The following NSRP1 variants were observed in gnomAD, a reference collection of about 807,000 sequenced individuals.
The protein encoded by NSRP1 is nuclear speckle splicing regulatory protein 1.
Under a neutral mutation model 54.7 loss-of-function variants are expected in NSRP1, and 24 were observed. The ratio of observed to expected loss-of-function variants is 0.44; its 90% CI spans 0.32 to 0.62. The LOEUF (loss-of-function observed/expected upper bound fraction) is 0.62, where lower values mean the gene tolerates loss of function less well. Ranked by LOEUF, NSRP1 falls within the 20% of genes least tolerant of loss-of-function variation. NSRP1 has a pLI of 0.06. For missense variants in NSRP1, 596 were observed against 651.2 expected (o/e 0.92, Z 0.92); for synonymous variants, 210 against 213.8 (o/e 0.98, Z 0.15).
At chr17:30,173,307 A>G (rs1180461529) in intron 3 of NSRP1, among the ~76,000 whole-genome samples, 2 of 152,208 alleles carry the variant, frequency 1.3e-5, no homozygotes, top group Non-Finnish European at 2.9e-5. Context: ...TGCTTTTTAC[A>G]TACATTTATC....
rs557698934 is a variant in NSRP1 at position 30,127,890 on chromosome 17, A to G, written c.114+9717A>G. ...GCTCTTTCACCCAGGATGGAGTGCA[A>G]TTTGTGCAGTCACAACTCATGGCAG... On this transcript the variant is annotated intron_variant, in intron 2 of 6. Coordinates refer to ENST00000247026, the MANE Select transcript of NSRP1 (RefSeq NM_032141.4). 5.7e-3 allele frequency: 2,269 copies of G among 397,796 alleles called. 11 individuals carry two copies. The highest frequency in any genetic ancestry group is 8.6e-3 in the Non-Finnish European group (1,944 of 225,748). 24.6% of individuals were successfully genotyped at this position (397,796 alleles called of 1,614,324 possible).
In NSRP1 at chr17:30,185,448, G is replaced by C. The variant is rs1415694563; in HGVS notation, c.1451G>C (p.Arg484Thr). 2.5e-6 allele frequency: 4 copies of C among 1,608,360 alleles called. No individual in the cohort carries two copies. Among genetic ancestry groups the C allele is most frequent in the Non-Finnish European group, 3.4e-6 (4 of 1,178,654 alleles). ...KMRNMAKDKE[R>T]NQEKPSNSES... The stretch of plus-strand genomic sequence containing the variant: ...AGAAACATGGCAAAGGACAAAGAAA[G>C]AAACCAAGAGAAACCCTCTAATTCT... Residue 484 changes from arginine (R) to threonine (T), a missense_variant, in exon 7 of 7, where the codon AGA (arginine) becomes ACA (threonine). Transcript: ENST00000247026.
chr17:30,175,895 C>T (rs1415174695), intron 3 of NSRP1, among the ~76,000 whole-genome samples: 1 of 151,874 alleles, frequency 6.6e-6, no homozygotes, highest in African/African-American at 2.4e-5. Context: ...CCCAGCTACT[C>T]AGGAGGCTGA....
At chr17:30,134,331 G>A (rs576224438) in intron 2 of NSRP1, among the ~76,000 whole-genome samples, 6 of 152,294 alleles carry the variant, frequency 3.9e-5, no homozygotes, top group Non-Finnish European at 5.9e-5. Context: ...AATATTGTGA[G>A]AATTACCAAA....
At chr17:30,128,154 GTA>G in intron 2 of NSRP1, 1 of 226,654 alleles carries the variant, frequency 4.4e-6, no homozygotes, top group East Asian at 8.8e-5. Context: ...CTTAGTATGT[GTA>G]TATATGTATA....
intron 1 of NSRP1, chr17:30,117,359 C>T (rs2071546076): frequency 1.9e-6 from 1 of 524,352 alleles, no homozygotes; most frequent in Admixed American, 3.7e-5. Flanking sequence ...TTGGGGTATA[C>T]GTTGCCGCAA....
intron 2 of NSRP1, chr17:30,163,023 G>A (rs986704009): frequency 4.6e-5 from 7 of 152,042 alleles, no homozygotes; most frequent in African/African-American, 7.3e-5. Flanking sequence ...GGGATTACAG[G>A]CACGTGCCAC....
rs1291071003 is a variant in NSRP1, at chr17:30,179,230, A to G, written c.441A>G (p.Ala147=). ...ATAAAGAAGCATTTGTGACATCTGC[A>G]TATAAGAAAAAACTGCAAGAGAGAG... The part of the protein sequence containing the change: ...FDDKEAFVTS[A]YKKKLQERAE... The change falls in exon 5 of 7, where the codon GCA becomes GCG. Residue 147 remains alanine, a synonymous_variant. Coordinates refer to ENST00000247026, the MANE Select transcript of NSRP1 (RefSeq NM_032141.4). The G allele has an allele frequency of 2.2e-5, 35 of 1,610,382 alleles. No homozygotes were observed. Among genetic ancestry groups the G allele is most frequent in the Non-Finnish European group, 2.9e-5 (34 of 1,178,078 alleles).
chr17:30,149,182 A>T lies in NSRP1; in HGVS notation c.115-23360A>T, dbSNP rs746619453. ...ACATACAGGTTTGGTTTTCTCAAGG[A>T]TATTTTTATTGCCGTTTCTATTCTT... is the stretch of plus-strand genomic sequence containing the variant. On this transcript the variant is annotated intron_variant, in intron 2 of 6. Coordinates refer to ENST00000247026, the MANE Select transcript of NSRP1 (RefSeq NM_032141.4). Among the ~76,000 whole-genome samples, 23 of 152,130 alleles carry T rather than the reference A, an allele frequency of 1.5e-4. 1 individual carries two copies. The highest frequency in any genetic ancestry group is 2.0e-4 in the Admixed American group (3 of 15,270).
intron 2 of NSRP1, chr17:30,149,974 C>T (rs778235422): frequency 6.6e-6 from 1 of 152,264 alleles, no homozygotes; most frequent in African/African-American, 2.4e-5. Flanking sequence ...ATTCTTCCCT[C>T]TACTCTGCCC....
At position 30,116,859 on chromosome 17, in the gene NSRP1, A is replaced by C. The variant is rs767536340; in HGVS notation, c.16A>C (p.Arg6=). 3 of 1,575,470 alleles carry C rather than the reference A, an allele frequency of 1.9e-6. No homozygotes were observed. Among genetic ancestry groups the C allele is most frequent in the African/African-American group, 2.7e-5 (2 of 74,166 alleles). The part of the protein sequence containing the change: MAIPG[R]QYGLILPKKT... ...CGGGAGCAAGATGGCGATTCCGGGC[A>C]GGCAGTGAGTGATCCGGGAGTTAGG... The change falls in exon 1 of 7, where the codon AGG becomes CGG. Residue 6 remains arginine (R), a synonymous_variant. Transcript: ENST00000247026.
chr17:30,185,129 T>C lies in NSRP1; in HGVS notation c.1132T>C (p.Trp378Arg). ...CCAAAGAGAAAGAAGTGACAGAGTA[T>C]GGAAAAGGGAGAAAGATAGGGAGAA... ...RDQRERSDRV[W>R]KREKDREKYS... The change falls in exon 7 of 7, where the codon TGG becomes CGG. Residue 378 changes from tryptophan to arginine, a missense_variant. Physicochemically the swap from Trp to Arg is moderately radical, Grantham distance 101. Transcript: ENST00000247026. 6.2e-7 allele frequency: 1 copy of C among 1,607,204 alleles called. No homozygotes were observed. Among genetic ancestry groups the C allele is most frequent in the Middle Eastern group, 1.7e-4 (1 of 6,046 alleles).
chr17:30,121,350 A>T (rs995215144), intron 2 of NSRP1, among the ~76,000 whole-genome samples: 1 of 151,848 alleles, frequency 6.6e-6, no homozygotes, highest in African/African-American at 2.4e-5. Context: ...GGTTGAGGTC[A>T]TTGGGAATTA....
At chr17:30,120,216 C>G (rs912426114) in intron 2 of NSRP1, among the ~76,000 whole-genome samples, 2 of 152,010 alleles carry the variant, frequency 1.3e-5, no homozygotes, top group African/African-American at 4.8e-5. Context: ...GTTGTAGAAT[C>G]ACATTTTTCT....
chr17:30,149,855 T>A (rs990268566), intron 2 of NSRP1, among the ~76,000 whole-genome samples: 3,140 of 117,210 alleles, frequency 0.027, 109 homozygotes, highest in African/African-American at 0.098. Context: ...AAAAAAAAAA[T>A]ACCAAAAGCT....
At chr17:30,155,375 T>C (rs933399408) in intron 2 of NSRP1, among the ~76,000 whole-genome samples, 1 of 152,208 alleles carries the variant, frequency 6.6e-6, no homozygotes, top group Non-Finnish European at 1.5e-5. Context: ...GTGTGTGTTT[T>C]ATTTATCCTC....
intron 2 of NSRP1, among the ~76,000 whole-genome samples, chr17:30,164,979 A>G (rs563023323): frequency 6.6e-6 from 1 of 152,328 alleles, no homozygotes; most frequent in East Asian, 1.9e-4. Flanking sequence ...GTTTTTCCCT[A>G]GATAACTTGT....
chr17:30,134,390 C>A (rs1438851973), intron 2 of NSRP1, among the ~76,000 whole-genome samples: 1 of 152,188 alleles, frequency 6.6e-6, no homozygotes, highest in African/African-American at 2.4e-5. Context: ...AAAAATGGCA[C>A]TGATAGACTT....
At chr17:30,129,882 A>G (rs976459214) in intron 2 of NSRP1, among the ~76,000 whole-genome samples, 4 of 152,182 alleles carry the variant, frequency 2.6e-5, no homozygotes, top group African/African-American at 4.8e-5. Flanking sequence ...CTCATATGCT[A>G]TTAAACTGAA....
Sources: allele counts gnomAD v4.1 joint callset (sites outside exome capture counted in the v4.1 genomes callset), GRCh38; gene constraint gnomAD v4.1.1; transcripts MANE v1.5; gene names NCBI Gene and HGNC (gene_info 2026-07-23, HGNC 2026-07-21).